PFKP: variants seen among roughly 807,000 people sequenced by gnomAD.
The protein encoded by PFKP is ATP-dependent 6-phosphofructokinase, platelet type.
In PFKP, 101 loss-of-function variants were observed where a neutral mutation model predicts 94.3. The observed-to-expected ratio is 1.07, with a 90% CI of 0.91 to 1.26. The LOEUF (loss-of-function observed/expected upper bound fraction) is 1.26. PFKP is among the 50% of genes most tolerant of loss of function. PFKP has a pLI of 0.00. For synonymous variants in PFKP, 573 were observed against 432.6 expected (o/e 1.32, Z -4.03); for missense variants, 1,145 against 1,103.3 (o/e 1.04, Z -0.53).
rs577636701 is a variant in PFKP, at chr10:3,075,904, C to CAA, written c.113-6465_113-6464dup. Among the ~76,000 whole-genome samples the CAA allele has an allele frequency of 3.7e-3, 262 of 70,312 alleles. 5 individuals carry two copies. The highest frequency in any genetic ancestry group is 0.012 in the African/African-American group (229 of 18,958). 46.1% of individuals were successfully genotyped at this position (70,312 alleles called of 152,430 possible). ...TGGGCAACAGAGTGAGACCCTATCG[C>CAA]AAAAAAAAAAAAAAAAAAAAGTAGT... On this transcript the variant is annotated intron_variant, in intron 1 of 21. Coordinates refer to ENST00000381125, the MANE Select transcript of PFKP (RefSeq NM_002627.5).
chr10:3,079,788 C>T (rs571013266), intron 1 of PFKP, among the ~76,000 whole-genome samples: 1 of 152,004 alleles, frequency 6.6e-6, no homozygotes, highest in South Asian at 2.1e-4. Context: ...TTAGAGTGAC[C>T]ATAGCGTAAG....
rs546096543 is a variant in PFKP at position 3,136,179 on chromosome 10, C to T, written c.2226-271C>T. ...CTCAGGAGGCTGAGGCAGGAGAAATCGCTTGAACCCGGGAGGCAGAGGTTG... is the reference window on the plus strand; with the variant it reads ...CTCAGGAGGCTGAGGCAGGAGAAATTGCTTGAACCCGGGAGGCAGAGGTTG... On this transcript the variant is annotated intron_variant, in intron 21 of 21. Transcript: ENST00000381125. Among the ~76,000 whole-genome samples, 28 of 152,268 alleles carry T rather than the reference C, an allele frequency of 1.8e-4. No homozygotes were observed. In the South Asian group the frequency reaches 2.9e-3, roughly 16 times the overall value.
rs1837510283 is a variant in PFKP at position 3,122,302 on chromosome 10, TGA to T, written c.1683+2260_1683+2261del. Among the ~76,000 whole-genome samples the T allele has an allele frequency of 3.3e-5, 5 of 151,962 alleles. No individual in the cohort carries two copies. The South Asian group carries it at 1.0e-3, about 32-fold the overall frequency. On this transcript the variant is annotated intron_variant, in intron 16 of 21. Coordinates refer to ENST00000381125, the MANE Select transcript of PFKP (RefSeq NM_002627.5). ...GCGGTGGTTCTAGTCTCGTGATGGG[TGA>T]GTGGCGCCGTCTGACCGAGGTCACC...
At position 3,106,578 on chromosome 10, in the gene PFKP, G is replaced by A. The variant is rs910738125; in HGVS notation, c.775-636G>A. ...AGCTCTCTTCCAGTGAGCCACAGCCGCCCTGCTCCTTCACCCCTGCCCCTC... is the reference window on the plus strand; with the variant it reads ...AGCTCTCTTCCAGTGAGCCACAGCCACCCTGCTCCTTCACCCCTGCCCCTC... On this transcript the variant is annotated intron_variant, in intron 7 of 21. Transcript: ENST00000381125. Among the ~76,000 whole-genome samples, 9 of 135,760 alleles carry A rather than the reference G, an allele frequency of 6.6e-5. 1 individual carries two copies. The highest frequency in any genetic ancestry group is 2.4e-4 in the South Asian group (1 of 4,094). 89.1% of individuals were successfully genotyped at this position (135,760 alleles called of 152,430 possible).
intron 16 of PFKP, among the ~76,000 whole-genome samples, chr10:3,120,590 C>T (rs1837307353): frequency 6.6e-6 from 1 of 152,166 alleles, no homozygotes; most frequent in African/African-American, 2.4e-5. Context: ...TGTTAAATTA[C>T]CTCTAAGGCA....
rs1835948754 is a variant in PFKP, at chr10:3,109,478, A to G, written c.1087A>G (p.Met363Val). 1.2e-6 allele frequency: 2 copies of G among 1,603,966 alleles called. No individual in the cohort carries two copies. The highest frequency in any genetic ancestry group is 1.3e-5 in the African/African-American group (1 of 74,924). ...CCTGCCGCTGATGGAGTGCGTGCAGATGGTGAGTGGGCAGCCCATGGCCAA... is the reference window on the plus strand; with the variant it reads ...CCTGCCGCTGATGGAGTGCGTGCAGGTGGTGAGTGGGCAGCCCATGGCCAA... ...VRLPLMECVQ[M>V]TQDVQKAMDE... Residue 363 changes from methionine (M) to valine (V), a missense_variant and splice_region_variant, in exon 10 of 22, where the codon ATG becomes GTG. By Grantham distance (21) the Met-to-Val change is conservative (BLOSUM62 1). This residue lies in a region of PFKP where 1,119 missense variants were observed against 1,062.8 expected (regional missense o/e 1.05). Transcript: ENST00000381125.
rs200384787 is a variant in PFKP, at chr10:3,112,241, C to T, written c.1109C>T (p.Ala370Val). 1.3e-4 allele frequency: 213 copies of T among 1,613,322 alleles called. No individual in the cohort carries two copies. Among genetic ancestry groups the T allele is most frequent in the Middle Eastern group, 1.6e-4 (1 of 6,080 alleles). ...TAAAAGACTCAGGATGTGCAGAAGG[C>T]GATGGACGAGAGGAGATTTCAAGAT... ...CVQMTQDVQK[A>V]MDERRFQDAV... The change falls in exon 11 of 22, where the codon GCG (alanine) becomes GTG (valine). Residue 370 changes from alanine to valine, a missense_variant. Ala to Val is a moderately conservative substitution (Grantham distance 64, BLOSUM62 0). Transcript: ENST00000381125.
intron 17 of PFKP, 117 bp from the exon 18 acceptor site, chr10:3,132,263 C>G (rs1838677690): frequency 1.4e-6 from 1 of 708,902 alleles, no homozygotes; most frequent in Non-Finnish European, 2.6e-6. Flanking sequence ...AGAGCTGCAG[C>G]CTCCTTGGCC....
At chr10:3,116,513 TCA>T (rs1453711383) in intron 13 of PFKP, among the ~76,000 whole-genome samples, 3 of 152,216 alleles carry the variant, frequency 2.0e-5, no homozygotes, top group African/African-American at 7.2e-5. Flanking sequence ...CTGATGTATC[TCA>T]CACGTGGCTC....
rs1400631134 is a variant in PFKP at position 3,123,966 on chromosome 10, C to CTGCTCACAGCT, written c.1683+3922_1683+3923insTGCTCACAGCT. Among the ~76,000 whole-genome samples, 41 of 150,496 alleles carry CTGCTCACAGCT rather than the reference C, an allele frequency of 2.7e-4. 3 individuals are homozygous for CTGCTCACAGCT. The highest frequency in any genetic ancestry group is 9.6e-5 in the African/African-American group (4 of 41,466). On this transcript the variant is annotated intron_variant, in intron 16 of 21. Transcript: ENST00000381125. ...ACCTTGTGGTCACCCAGCACTGACC[C>CTGCTCACAGCT]CGTTCACAGCTCGCCTTGTGGTCAC...
chr10:3,080,675 C>G (rs901529039), intron 1 of PFKP, among the ~76,000 whole-genome samples: 1 of 152,058 alleles, frequency 6.6e-6, no homozygotes, highest in African/African-American at 2.4e-5. Flanking sequence ...GGGTGGGGCT[C>G]TTGTGGCTGT....
At chr10:3,125,109 G>A (rs766177336) in intron 16 of PFKP, 6 of 1,312,350 alleles carry the variant, frequency 4.6e-6, no homozygotes. Context: ...TTACAAGAGT[G>A]CGTGCGACAT....
At chr10:3,135,899 G>A in intron 21 of PFKP, 61 bp downstream of exon 21, 1 of 968,448 alleles carries the variant, frequency 1.0e-6, no homozygotes. Flanking sequence ...ACAGGGGAAT[G>A]GCCATTGCTG....
At chr10:3,093,608 G>A (rs559301840) in intron 2 of PFKP, among the ~76,000 whole-genome samples, 1 of 151,354 alleles carries the variant, frequency 6.6e-6, no homozygotes, top group African/African-American at 2.4e-5. Context: ...ACACATCCAG[G>A]GTGACGATAA....
Position 3,130,398 on chromosome 10 carries a change from C to T in PFKP, c.1848+415C>T, listed in dbSNP as rs562700628. ...GCCTCTAAACGGACACAGACATGACCGTGGTTTCTCGGCATCTGTGGCTCT... is the reference window on the plus strand; with the variant it reads ...GCCTCTAAACGGACACAGACATGACTGTGGTTTCTCGGCATCTGTGGCTCT... On this transcript the variant is annotated intron_variant, in intron 17 of 21. Coordinates refer to ENST00000381125, the MANE Select transcript of PFKP (RefSeq NM_002627.5). Among the ~76,000 whole-genome samples the T allele has an allele frequency of 4.3e-4, 66 of 152,296 alleles. 1 individual carries two copies. The East Asian group carries it at 0.01, about 24-fold the overall frequency.
At chr10:3,135,954 T>A in intron 21 of PFKP, 116 bp downstream of exon 21, 5 of 673,472 alleles carry the variant, frequency 7.4e-6, no homozygotes, top group Non-Finnish European at 1.3e-5. Flanking sequence ...CTGGCTTTTC[T>A]GAAGCTCAGT....
intron 2 of PFKP, among the ~76,000 whole-genome samples, chr10:3,089,864 C>G (rs550328570): frequency 2.0e-5 from 3 of 152,030 alleles, no homozygotes; most frequent in Admixed American, 6.6e-5. Context: ...TCTTTACACC[C>G]CTGCTTCCTT....
intron 2 of PFKP, among the ~76,000 whole-genome samples, chr10:3,083,934 C>T (rs557997676): frequency 5.5e-4 from 83 of 152,274 alleles, no homozygotes; most frequent in Admixed American, 2.6e-3. Context: ...TGAGCCGCCG[C>T]GCCCAGCCAA....
chr10:3,082,366 C>G (rs770639501), intron 1 of PFKP, 22 bp from the exon 2 acceptor site: 3 of 1,593,718 alleles, frequency 1.9e-6, no homozygotes, highest in Admixed American at 1.7e-5. Flanking sequence ...TTCAGTGACT[C>G]TTGCTCCTGT....
Sources: gnomAD v4.1 joint callset for allele counts (sites outside exome capture counted in the v4.1 genomes callset) on GRCh38, gnomAD v4.1.1 for gene constraint, gnomAD v4.1.1 regional missense constraint, MANE v1.5 for transcripts, NCBI Gene and HGNC (gene_info 2026-07-23, HGNC 2026-07-21) for gene names.